Variants in GOPC observed in about 807,000 individuals in gnomAD.
GOPC encodes the protein golgi associated PDZ and coiled-coil motif containing.
Under a neutral mutation model 51.2 loss-of-function variants are expected in GOPC, and 32 were observed. The ratio of observed to expected loss-of-function variants is 0.63; its 90% CI spans 0.47 to 0.84. The LOEUF (loss-of-function observed/expected upper bound fraction) is 0.84, where lower values mean the gene tolerates loss of function less well. GOPC is among the 40% of genes least tolerant of loss of function. The probability of loss-of-function intolerance (pLI) is 0.00; values close to 1 mark genes in which losing one functional copy is unlikely to be tolerated. For missense variants in GOPC, 441 were observed against 555.5 expected (o/e 0.79, Z 2.07); for synonymous variants, 190 against 205.1 (o/e 0.93, Z 0.63).
intron 1 of GOPC, among the ~76,000 whole-genome samples, chr6:117,591,529 G>A (rs1303561423): frequency 6.6e-6 from 1 of 152,198 alleles, no homozygotes; most frequent in African/African-American, 2.4e-5. Flanking sequence ...GCAGAGAGGA[G>A]TGGAGTAAGG....
At chr6:117,594,748 G>T (rs1780169134) in intron 1 of GOPC, among the ~76,000 whole-genome samples, 1 of 152,132 alleles carries the variant, frequency 6.6e-6, no homozygotes, top group South Asian at 2.1e-4. Context: ...TCTACTGTTG[G>T]CTATGAATAA....
At position 117,579,033 on chromosome 6, in the gene GOPC, G is replaced by C. The variant is rs1463032073; in HGVS notation, c.317C>G (p.Thr106Arg). The change falls in exon 2 of 9, where the codon ACA becomes AGA. Residue 106 changes from threonine to arginine, a missense_variant. Transcript: ENST00000368498. ...AACAACTTTCTCTGCTTGGGTTTCT[G>C]TCAGTTCAGATTTCAGATCCACCAA... ...AQLVDLKSEL[T>R]ETQAEKVVLE... 1 of 1,608,516 alleles carries C rather than the reference G, an allele frequency of 6.2e-7. No individual in the cohort carries two copies. The highest frequency in any genetic ancestry group is 1.7e-5 in the Admixed American group (1 of 59,058).
chr6:117,585,378 A>G (rs951654202), intron 1 of GOPC, among the ~76,000 whole-genome samples: 1 of 152,192 alleles, frequency 6.6e-6, no homozygotes, highest in African/African-American at 2.4e-5. Flanking sequence ...GTTTTGAAGG[A>G]GGAGCAAACT....
intron 3 of GOPC, among the ~76,000 whole-genome samples, chr6:117,577,011 A>T (rs995878436): frequency 7.8e-5 from 8 of 102,716 alleles, no homozygotes; most frequent in African/African-American, 3.2e-4. Flanking sequence ...TATTCTCAAG[A>T]CTCTTGAAAA....
chr6:117,574,308 A>G (rs753827058), intron 4 of GOPC, among the ~76,000 whole-genome samples: 2 of 152,168 alleles, frequency 1.3e-5, no homozygotes, highest in Non-Finnish European at 2.9e-5. Context: ...GATGATATAA[A>G]TTATTTTTTC....
At position 117,561,801 on chromosome 6, in the gene GOPC, G is replaced by A. The variant is rs1341208594; in HGVS notation, c.*1453C>T. 1 of 206,552 alleles carries A rather than the reference G, an allele frequency of 4.8e-6. No homozygotes were observed. The highest frequency in any genetic ancestry group is 2.3e-5 in the African/African-American group (1 of 43,828). 12.8% of individuals were successfully genotyped at this position (206,552 alleles called of 1,614,324 possible). A position where few individuals can be genotyped will look rare whatever the true frequency, so the allele number is the denominator to read the frequency against. On this transcript the variant is annotated 3_prime_UTR_variant, in exon 9 of 9. Coordinates refer to ENST00000368498, the MANE Select transcript of GOPC (RefSeq NM_020399.4). ...ACCACCCAAAACAAACCATAAATGAGCAACAGTTAAAACATTAAATTTATA... is the reference window on the plus strand; with the variant it reads ...ACCACCCAAAACAAACCATAAATGAACAACAGTTAAAACATTAAATTTATA...
At position 117,577,431 on chromosome 6, in the gene GOPC, A is replaced by G; in HGVS notation, c.474+17T>C. Reference sequence around the variant, plus strand: ...TCAGCGTGACATATTAAAGCAAAACAGAAACAATATACTTACCAGCTCCTC... The same window carrying G: ...TCAGCGTGACATATTAAAGCAAAACGGAAACAATATACTTACCAGCTCCTC... On this transcript the variant is annotated intron_variant, in intron 3 of 8. Transcript: ENST00000368498. The G allele has an allele frequency of 6.2e-7, 1 of 1,603,578 alleles. No homozygotes were observed. The highest frequency in any genetic ancestry group is 1.1e-5 in the South Asian group (1 of 89,396).
chr6:117,565,491 C>T (rs1293219817), intron 8 of GOPC, among the ~76,000 whole-genome samples: 1 of 152,092 alleles, frequency 6.6e-6, no homozygotes, highest in Non-Finnish European at 1.5e-5. Flanking sequence ...TGGATCTTTT[C>T]CCATGCAAAA....
At chr6:117,579,481 TTC>T (rs1779928556) in intron 1 of GOPC, among the ~76,000 whole-genome samples, 1 of 152,064 alleles carries the variant, frequency 6.6e-6, no homozygotes, top group Non-Finnish European at 1.5e-5. Context: ...GTGAGTTGTG[TTC>T]TGTCTTCAAT....
At chr6:117,579,333 A>G (rs1158046647) in intron 1 of GOPC, among the ~76,000 whole-genome samples, 1 of 152,112 alleles carries the variant, frequency 6.6e-6, no homozygotes, top group Non-Finnish European at 1.5e-5. Context: ...GCTTACTTTA[A>G]GAAACCTTTT....
intron 4 of GOPC, among the ~76,000 whole-genome samples, chr6:117,574,248 C>T (rs1779846431): frequency 6.7e-6 from 1 of 149,446 alleles, no homozygotes; most frequent in Admixed American, 6.7e-5. Context: ...GAGACCCCAT[C>T]TCACAAAATT....
chr6:117,584,574 C>CT (rs1372207040), intron 1 of GOPC, among the ~76,000 whole-genome samples: 1 of 151,908 alleles, frequency 6.6e-6, no homozygotes, highest in Non-Finnish European at 1.5e-5. Flanking sequence ...GCCTCCATGC[C>CT]TTCCCTGGGG....
intron 1 of GOPC, among the ~76,000 whole-genome samples, chr6:117,590,571 C>CA (rs563071906): frequency 0.36 from 25,087 of 69,016 alleles, 3,689 homozygotes; most frequent in African/African-American, 0.47. Flanking sequence ...GACCCTGTCT[C>CA]AAAAAAAAAA....
chr6:117,601,329 C>CA (rs1157623268), intron 1 of GOPC, among the ~76,000 whole-genome samples: 1 of 152,060 alleles, frequency 6.6e-6, no homozygotes, highest in African/African-American at 2.4e-5. Flanking sequence ...TACACTCTCT[C>CA]AAAAATAAAT....
Position 117,569,679 on chromosome 6 carries a change from C to G in GOPC, c.970G>C (p.Ala324Pro). ...LISEIHPGQPADRCGGLHVGD... is the reference protein window; with the variant it reads ...LISEIHPGQPPDRCGGLHVGD... The stretch of plus-strand genomic sequence containing the variant: ...ACGTGCAGCCCTCCGCATCTATCAG[C>G]AGGTTGCCCCGGATGGATCTCAGAG... The change falls in exon 7 of 9, where the codon GCT (alanine) becomes CCT (proline). Residue 324 changes from alanine to proline, a missense_variant. Around this residue, in one of 3 missense-constraint regions of GOPC, gnomAD observed 166 missense variants for 267.0 expected, o/e 0.62. Transcript: ENST00000368498. 6.2e-7 allele frequency: 1 copy of G among 1,610,642 alleles called. No homozygotes were observed. The highest frequency in any genetic ancestry group is 1.1e-5 in the South Asian group (1 of 90,112).
intron 4 of GOPC, among the ~76,000 whole-genome samples, chr6:117,574,811 T>A (rs1304680968): frequency 2.0e-5 from 3 of 152,212 alleles, no homozygotes; most frequent in Admixed American, 2.0e-4. Flanking sequence ...CCAGGTGCGG[T>A]GGCTCACACC....
At chr6:117,580,378 C>T (rs534606540) in intron 1 of GOPC, among the ~76,000 whole-genome samples, 2 of 152,038 alleles carry the variant, frequency 1.3e-5, no homozygotes, top group South Asian at 2.1e-4. Context: ...TTTGACTATT[C>T]TCATAAGATT....
rs151130262 is a variant in GOPC, at chr6:117,561,232, A to G, written c.*2022T>C. 12 of 223,738 alleles carry G rather than the reference A, an allele frequency of 5.4e-5. No homozygotes were observed. In the East Asian group the frequency reaches 7.8e-4, roughly 15 times the overall value. The allele number at this position is 223,738 out of a possible 1,614,324, so 13.9% of individuals were successfully genotyped here. On this transcript the variant is annotated 3_prime_UTR_variant, in exon 9 of 9. Coordinates refer to ENST00000368498, the MANE Select transcript of GOPC (RefSeq NM_020399.4). ...AATCTCACACAATTCTTCAAATTAC[A>G]CAGTGACCTCATAAAAATTCCAACT...
chr6:117,573,339 T>C (rs1471393421), intron 5 of GOPC, 128 bp downstream of exon 5: 12 of 1,079,070 alleles, frequency 1.1e-5, no homozygotes, highest in South Asian at 1.9e-5. Context: ...TTTGAATAAG[T>C]TGAATCCCAT....
Sources: allele counts gnomAD v4.1 joint callset (sites outside exome capture counted in the v4.1 genomes callset), GRCh38; gene constraint gnomAD v4.1.1; regional missense constraint gnomAD v4.1.1; transcripts MANE v1.5; gene names NCBI Gene and HGNC (gene_info 2026-07-23, HGNC 2026-07-21).